Variants in LPP observed in about 807,000 individuals in gnomAD.
LPP encodes the protein lipoma-preferred partner.
In LPP, 38 loss-of-function variants were observed where a neutral mutation model predicts 60.4. The observed-to-expected ratio is 0.63, with a 90% confidence interval of 0.49 to 0.83. The LOEUF (loss-of-function observed/expected upper bound fraction) is 0.83, where lower values mean the gene tolerates loss of function less well. Among genes scored for constraint, LPP ranks in the 40% least tolerant of loss-of-function variants. The pLI is 0.00. For missense variants in LPP, 902 were observed against 783.6 expected (o/e 1.15, Z -1.80); for synonymous variants, 328 against 290.8 (o/e 1.13, Z -1.30).
rs1770359688 is a variant in LPP at position 188,883,911 on chromosome 3, C to A, written c.*9432C>A. The A allele has an allele frequency of 4.6e-6, 1 of 215,194 alleles. No homozygotes were observed. The highest frequency in any genetic ancestry group is 1.9e-4 in the South Asian group (1 of 5,346). The allele number at this position is 215,194 out of a possible 1,614,324, so 13.3% of individuals were successfully genotyped here. A position where few individuals can be genotyped will look rare whatever the true frequency, so the allele number is the denominator to read the frequency against. ...AGGGGTTCTATTATGCTATAGTTTT[C>A]TATGGAAATGTACAAATGCTTTCCT... On this transcript the variant is annotated 3_prime_UTR_variant, in exon 12 of 12. Coordinates refer to ENST00000617246, the MANE Select transcript of LPP (RefSeq NM_001375462.1).
At chr3:188,438,309 G>A (rs1792861047) in intron 4 of LPP, among the ~76,000 whole-genome samples, 1 of 145,750 alleles carries the variant, frequency 6.9e-6, no homozygotes, top group African/African-American at 2.5e-5. Flanking sequence ...GAGAATACTA[G>A]TAAAACATTT....
chr3:188,522,774 G>C (rs1819239800), intron 5 of LPP, among the ~76,000 whole-genome samples: 1 of 122,834 alleles, frequency 8.1e-6, no homozygotes, highest in Admixed American at 8.8e-5. Context: ...TAGATAATGT[G>C]ATAATATGAA....
rs899654632 is a variant in LPP, at chr3:188,719,551, T to G, written c.1240+11158T>G. 4.6e-5 allele frequency among the ~76,000 whole-genome samples: 7 copies of G among 152,320 alleles called. No individual in the cohort carries two copies. In the East Asian group the frequency reaches 5.8e-4, roughly 13 times the overall value. On this transcript the variant is annotated intron_variant, in intron 8 of 11. Coordinates refer to ENST00000617246, the MANE Select transcript of LPP (RefSeq NM_001375462.1). ...TCATAATTGAATGTTCTTTGCTTAT[T>G]AACTGTGGAAGCAAACTTGAAATTC...
chr3:188,398,616 T>C (rs1395777861), intron 3 of LPP, among the ~76,000 whole-genome samples: 1 of 152,206 alleles, frequency 6.6e-6, no homozygotes, highest in East Asian at 1.9e-4. Context: ...CGGCTCTATG[T>C]GACCTGATGC....
chr3:188,213,833 A>G (rs988860376), intron 1 of LPP, among the ~76,000 whole-genome samples: 9 of 152,200 alleles, frequency 5.9e-5, no homozygotes, highest in African/African-American at 2.2e-4. Context: ...AGTGAAAATT[A>G]TGCAATTTTC....
chr3:188,492,857 C>T (rs748621298), intron 5 of LPP, among the ~76,000 whole-genome samples: 1 of 152,180 alleles, frequency 6.6e-6, no homozygotes, highest in Non-Finnish European at 1.5e-5. Flanking sequence ...TTCTTCCCTG[C>T]TCCATCCCAC....
intron 6 of LPP, among the ~76,000 whole-genome samples, chr3:188,556,687 C>A (rs569165328): frequency 6.6e-6 from 1 of 151,888 alleles, no homozygotes; most frequent in South Asian, 2.1e-4. Flanking sequence ...CCACATAGTT[C>A]TCCAGATTGT....
At chr3:188,197,167 AG>A (rs917499268) in intron 1 of LPP, among the ~76,000 whole-genome samples, 57 of 152,288 alleles carry the variant, frequency 3.7e-4, no homozygotes, top group Admixed American at 1.1e-3. Context: ...GGGAGCATGG[AG>A]GGTTCAAGGA....
chr3:188,395,278 G>A lies in LPP; in HGVS notation c.-9-10834G>A, dbSNP rs576683807. Among the ~76,000 whole-genome samples, 4 of 152,250 alleles carry A rather than the reference G, an allele frequency of 2.6e-5. No individual in the cohort carries two copies. The East Asian group carries it at 7.7e-4, about 29-fold the overall frequency. On this transcript the variant is annotated intron_variant, in intron 3 of 11. Coordinates refer to ENST00000617246, the MANE Select transcript of LPP (RefSeq NM_001375462.1). ...CTATTGCCCAGGCTGGAGTGCAGTG[G>A]CATGATCGTGGCTCACTGTAACCTT...
At chr3:188,699,061 T>C (rs1386617220) in intron 7 of LPP, among the ~76,000 whole-genome samples, 1 of 152,222 alleles carries the variant, frequency 6.6e-6, no homozygotes, top group African/African-American at 2.4e-5. Context: ...ATAACTGACA[T>C]CTATTTGATA....
At chr3:188,154,664 G>A (rs558361636) in intron 1 of LPP, among the ~76,000 whole-genome samples, 1 of 152,316 alleles carries the variant, frequency 6.6e-6, no homozygotes, top group East Asian at 1.9e-4. Flanking sequence ...AAGGAGGGTC[G>A]CCCGGAAGTT....
At chr3:188,727,406 C>T (rs956198422) in intron 8 of LPP, among the ~76,000 whole-genome samples, 5 of 151,990 alleles carry the variant, frequency 3.3e-5, no homozygotes, top group South Asian at 2.1e-4. Context: ...GTGATGACCA[C>T]GGGTAAGATA....
intron 7 of LPP, among the ~76,000 whole-genome samples, chr3:188,642,864 A>G (rs1023602622): frequency 2.0e-5 from 3 of 151,984 alleles, no homozygotes; most frequent in South Asian, 2.1e-4. Flanking sequence ...TGAACCCGGG[A>G]TGCAGAGGTT....
chr3:188,190,593 C>G (rs139410202), intron 1 of LPP, among the ~76,000 whole-genome samples: 191 of 152,288 alleles, frequency 1.3e-3, no homozygotes, highest in African/African-American at 4.3e-3. Context: ...GGAGGCAAGA[C>G]AGACAACAAA....
intron 2 of LPP, among the ~76,000 whole-genome samples, chr3:188,225,904 C>T (rs1285210254): frequency 1.3e-5 from 2 of 152,188 alleles, no homozygotes; most frequent in South Asian, 4.1e-4. Context: ...ATGAAAATGT[C>T]ACTGAACAGT....
chr3:188,607,538 A>G (rs1842768300), intron 6 of LPP, among the ~76,000 whole-genome samples: 2 of 151,922 alleles, frequency 1.3e-5, no homozygotes, highest in African/African-American at 2.4e-5. Context: ...AACTATGCCA[A>G]CATTCTTCTG....
At chr3:188,311,378 C>CTGAG (rs889618378) in intron 2 of LPP, among the ~76,000 whole-genome samples, 1 of 151,988 alleles carries the variant, frequency 6.6e-6, no homozygotes, top group Non-Finnish European at 1.5e-5. Flanking sequence ...ACTCAGGAGG[C>CTGAG]TGAGGCAGGA....
At chr3:188,810,761 G>A (rs1032360376) in intron 9 of LPP, among the ~76,000 whole-genome samples, 1 of 152,148 alleles carries the variant, frequency 6.6e-6, no homozygotes, top group Non-Finnish European at 1.5e-5. Context: ...TTCAAAACCA[G>A]TTTTAGATTT....
chr3:188,172,931 G>C (rs1721986166), intron 1 of LPP, among the ~76,000 whole-genome samples: 1 of 152,138 alleles, frequency 6.6e-6, no homozygotes, highest in African/African-American at 2.4e-5. Context: ...CCACTTGTGT[G>C]ATCATAGCTC....
Sources: gnomAD v4.1 joint callset for allele counts (sites outside exome capture counted in the v4.1 genomes callset) on GRCh38, gnomAD v4.1.1 for gene constraint, MANE v1.5 for transcripts, NCBI Gene and HGNC (gene_info 2026-07-23, HGNC 2026-07-21) for gene names.